Variants in MYO5B observed in about 807,000 individuals in gnomAD.
The protein encoded by MYO5B is myosin VB, also known as unconventional myosin-Vb.
In MYO5B, 143 loss-of-function variants were observed where a neutral mutation model predicts 229.3. The observed-to-expected ratio is 0.62, with a 90% confidence interval of 0.54 to 0.72. The LOEUF (loss-of-function observed/expected upper bound fraction) is 0.72. MYO5B is among the 30% of genes least tolerant of loss of function. The pLI is 0.00. For synonymous variants in MYO5B, 918 were observed against 885.2 expected (o/e 1.04, Z -0.66); for missense variants, 2,321 against 2,331.0 (o/e 1.00, Z 0.09).
At chr18:49,939,203 T>A (rs900960711) in intron 14 of MYO5B, among the ~76,000 whole-genome samples, 3 of 146,678 alleles carry the variant, frequency 2.0e-5, no homozygotes, top group African/African-American at 7.6e-5. Flanking sequence ...TGGAGTGCAG[T>A]GGCGCAATCT....
intron 2 of MYO5B, among the ~76,000 whole-genome samples, chr18:50,053,875 A>G (rs1010006013): frequency 1.1e-4 from 16 of 152,194 alleles, no homozygotes; most frequent in Admixed American, 5.2e-4. Context: ...TCAGAGAGGA[A>G]ACAGTATCTC....
intron 1 of MYO5B, among the ~76,000 whole-genome samples, chr18:50,140,451 AT>A (rs2032401078): frequency 6.6e-6 from 1 of 152,236 alleles, no homozygotes; most frequent in South Asian, 2.1e-4. Flanking sequence ...ATTGGGCAAT[AT>A]GGAGATAAAC....
chr18:49,831,818 AT>A (rs1469962131), intron 39 of MYO5B, among the ~76,000 whole-genome samples: 1 of 152,238 alleles, frequency 6.6e-6, no homozygotes, highest in East Asian at 1.9e-4. Context: ...TCATAGCGGC[AT>A]GATTCCCAAT....
chr18:50,011,483 C>T (rs965031824), intron 4 of MYO5B, among the ~76,000 whole-genome samples: 1 of 152,164 alleles, frequency 6.6e-6, no homozygotes, highest in African/African-American at 2.4e-5. Flanking sequence ...GACAACTACA[C>T]GCGGAAGGTG....
intron 29 of MYO5B, among the ~76,000 whole-genome samples, chr18:49,859,071 C>T (rs1484335546): frequency 6.6e-6 from 1 of 152,232 alleles, no homozygotes; most frequent in Non-Finnish European, 1.5e-5. Flanking sequence ...TGCAGTCAGT[C>T]TCCAGCCACA....
At chr18:49,990,627 C>G in intron 6 of MYO5B, 107 bp from the exon 7 acceptor site, 1 of 880,424 alleles carries the variant, frequency 1.1e-6, no homozygotes, top group Non-Finnish European at 1.9e-6. Context: ...GAGCCCCCCA[C>G]TCTTCCCAGT....
At chr18:50,191,637 G>T (rs1407983803) in intron 1 of MYO5B, among the ~76,000 whole-genome samples, 6 of 151,914 alleles carry the variant, frequency 3.9e-5, no homozygotes. Context: ...TCAAAACTAG[G>T]GCTCCGAAGA....
At chr18:50,181,098 C>T (rs1269538339) in intron 1 of MYO5B, among the ~76,000 whole-genome samples, 1 of 152,196 alleles carries the variant, frequency 6.6e-6, no homozygotes, top group Non-Finnish European at 1.5e-5. Context: ...AAATTAGGTG[C>T]AATGGGCTTT....
chr18:49,907,375 G>C (rs55754534), intron 18 of MYO5B, among the ~76,000 whole-genome samples: 16,791 of 152,212 alleles, frequency 0.11, 1,063 homozygotes, highest in Middle Eastern at 0.15. Context: ...GATTGTTTTG[G>C]ACCTGTAATT....
At chr18:49,985,603 A>C (rs2025862212) in intron 7 of MYO5B, among the ~76,000 whole-genome samples, 1 of 152,204 alleles carries the variant, frequency 6.6e-6, no homozygotes, top group Non-Finnish European at 1.5e-5. Flanking sequence ...TACCCTTAAA[A>C]ACTGATTAAA....
At chr18:49,978,475 T>C (rs16951342) in intron 9 of MYO5B, among the ~76,000 whole-genome samples, 9,183 of 151,922 alleles carry the variant, frequency 0.06, 861 homozygotes, top group African/African-American at 0.2. Context: ...ATGCTAACCA[T>C]CAGCCTCACT....
At chr18:49,862,067 G>A (rs1598839808) in intron 29 of MYO5B, among the ~76,000 whole-genome samples, 1 of 146,648 alleles carries the variant, frequency 6.8e-6, no homozygotes, top group Non-Finnish European at 1.5e-5. Context: ...GCATGATCTC[G>A]GCTCATTGCA....
intron 27 of MYO5B, among the ~76,000 whole-genome samples, chr18:49,866,386 A>G (rs1448232907): frequency 6.6e-6 from 1 of 152,066 alleles, no homozygotes; most frequent in Admixed American, 6.5e-5. Context: ...ACCTATTTTT[A>G]CGTGCACAGT....
At chr18:49,960,419 C>A (rs1349692107) in intron 12 of MYO5B, among the ~76,000 whole-genome samples, 1 of 152,210 alleles carries the variant, frequency 6.6e-6, no homozygotes, top group Non-Finnish European at 1.5e-5. Context: ...GATTCCCTAA[C>A]CTCCTCAGGC....
At chr18:49,853,228 C>T (rs527532135) in intron 31 of MYO5B, among the ~76,000 whole-genome samples, 18 of 152,298 alleles carry the variant, frequency 1.2e-4, no homozygotes, top group East Asian at 7.7e-4. Context: ...AGGCAGGTGA[C>T]GCCCCCCAGC....
chr18:49,980,290 T>C (rs949183987), intron 9 of MYO5B, among the ~76,000 whole-genome samples, 154 bp downstream of exon 9: 7 of 152,226 alleles, frequency 4.6e-5, no homozygotes, highest in African/African-American at 1.7e-4. Flanking sequence ...AAGGGTTGGC[T>C]CTTTTAAAAA....
At chr18:50,075,759 T>C (rs1333373497) in intron 1 of MYO5B, among the ~76,000 whole-genome samples, 2 of 152,226 alleles carry the variant, frequency 1.3e-5, no homozygotes, top group Non-Finnish European at 2.9e-5. Context: ...GCACTCAGTT[T>C]GGATCCAGGA....
At chr18:49,853,780 A>T (rs1048843329) in intron 30 of MYO5B, 133 bp from the exon 31 acceptor site, 4 of 805,512 alleles carry the variant, frequency 5.0e-6, no homozygotes, top group Non-Finnish European at 8.1e-6. Context: ...AGAGGGATGA[A>T]TGCAGCAGGA....
In MYO5B at chr18:49,920,002, C is replaced by T. The variant is rs112787930; in HGVS notation, c.2091-7829G>A. Among the ~76,000 whole-genome samples, 485 of 152,314 alleles carry T rather than the reference C, an allele frequency of 3.2e-3. 1 individual carries two copies. The highest frequency in any genetic ancestry group is 0.011 in the African/African-American group (453 of 41,566). ...GCAATATAAAGGAATAAACTACTGA[C>T]GGTTGCTGCGCATGGATACATCTTG... On this transcript the variant is annotated intron_variant, in intron 17 of 39. Coordinates refer to ENST00000285039, the MANE Select transcript of MYO5B (RefSeq NM_001080467.3).
Sources: gnomAD v4.1 joint callset for allele counts (sites outside exome capture counted in the v4.1 genomes callset) on GRCh38, gnomAD v4.1.1 for gene constraint, MANE v1.5 for transcripts, NCBI Gene and HGNC (gene_info 2026-07-23, HGNC 2026-07-21) for gene names.